PARD3: variants seen among roughly 807,000 people sequenced by gnomAD.
PARD3 encodes partitioning defective 3 homolog.
Under a neutral mutation model 155.4 loss-of-function variants are expected in PARD3, and 75 were observed. The observed-to-expected ratio is 0.48, with a 90% CI of 0.40 to 0.58. The LOEUF (loss-of-function observed/expected upper bound fraction) is 0.58, where lower values mean the gene tolerates loss of function less well. Among genes scored for constraint, PARD3 ranks in the 20% least tolerant of loss-of-function variants. The probability of loss-of-function intolerance (pLI) is 0.00; values close to 1 mark genes in which losing one functional copy is unlikely to be tolerated. For missense variants in PARD3, 1,642 were observed against 1,721.7 expected, an observed-to-expected ratio of 0.95 and a Z score of 0.82; for synonymous variants, 576 against 610.5, an observed-to-expected ratio of 0.94 and a Z score of 0.83.
intron 2 of PARD3, among the ~76,000 whole-genome samples, chr10:34,694,146 A>G (rs1428361492): frequency 6.9e-6 from 1 of 144,210 alleles, no homozygotes; most frequent in Non-Finnish European, 1.6e-5. Context: ...TGAGAAAGAG[A>G]GGGAGAAGAA....
At position 34,284,204 on chromosome 10, in the gene PARD3, C is replaced by A; in HGVS notation, c.3107G>T (p.Gly1036Val). The part of the protein sequence containing the change: ...HRKDDKIEKT[G>V]KIKIQESFTS... ...AAAGGATTCCTGTATTTTTATTTTACCCGTTTTCTCAATCTTGTCATCTTT... is the reference window on the plus strand; with the variant it reads ...AAAGGATTCCTGTATTTTTATTTTAACCGTTTTCTCAATCTTGTCATCTTT... The change falls in exon 21 of 25, where the codon GGT becomes GTT. Residue 1036 changes from glycine (G) to valine (V), a missense_variant. Transcript: ENST00000374788. 6.2e-7 allele frequency: 1 copy of A among 1,610,036 alleles called. No individual in the cohort carries two copies. Among genetic ancestry groups the A allele is most frequent in the Non-Finnish European group, 8.5e-7 (1 of 1,178,218 alleles).
At chr10:34,216,133 C>T (rs1439237932) in intron 22 of PARD3, among the ~76,000 whole-genome samples, 1 of 152,154 alleles carries the variant, frequency 6.6e-6, no homozygotes, top group Non-Finnish European at 1.5e-5. Context: ...CATTTGGGCA[C>T]AGCTGATGGT....
chr10:34,601,100 T>C (rs944019048), intron 2 of PARD3, among the ~76,000 whole-genome samples: 40 of 150,836 alleles, frequency 2.7e-4, no homozygotes, highest in African/African-American at 9.7e-4. Flanking sequence ...CGTGAGCCAT[T>C]GTGCCAAGCC....
At chr10:34,240,240 G>A (rs541922309) in intron 22 of PARD3, among the ~76,000 whole-genome samples, 1 of 152,338 alleles carries the variant, frequency 6.6e-6, no homozygotes, top group African/African-American at 2.4e-5. Context: ...CTGGAAAGAT[G>A]TTCGTGACTT....
intron 3 of PARD3, among the ~76,000 whole-genome samples, chr10:34,512,256 T>C (rs551000112): frequency 7.2e-5 from 11 of 152,370 alleles, no homozygotes; most frequent in African/African-American, 2.6e-4. Context: ...ATAGATGACT[T>C]ATTCCTGCTT....
intron 4 of PARD3, among the ~76,000 whole-genome samples, chr10:34,462,651 C>T (rs1202790059): frequency 6.6e-6 from 1 of 151,310 alleles, no homozygotes; most frequent in African/African-American, 2.4e-5. Context: ...TCAAGATCAG[C>T]CTGGGCAACA....
intron 14 of PARD3, among the ~76,000 whole-genome samples, chr10:34,357,382 C>A (rs1838997674): frequency 6.6e-6 from 1 of 152,182 alleles, no homozygotes; most frequent in Non-Finnish European, 1.5e-5. Flanking sequence ...TCCTCAGGAT[C>A]TAACACATTT....
Position 34,395,663 on chromosome 10 carries a change from C to T in PARD3, c.890+3667G>A, listed in dbSNP as rs1349333244. The stretch of plus-strand genomic sequence containing the variant: ...CCATCCTGGCTAACAAGGTGAAACC[C>T]CGTCTCTACTAAAAATACAAAAAAT... On this transcript the variant is annotated intron_variant, in intron 7 of 24. Transcript: ENST00000374788. Among the ~76,000 whole-genome samples the T allele has an allele frequency of 2.6e-5, 2 of 77,324 alleles. 1 individual carries two copies. The highest frequency in any genetic ancestry group is 2.3e-4 in the Admixed American group (2 of 8,654). The allele number at this position is 77,324 out of a possible 152,430, so 50.7% of individuals were successfully genotyped here.
At chr10:34,318,346 C>T (rs990504222) in intron 19 of PARD3, among the ~76,000 whole-genome samples, 2 of 152,134 alleles carry the variant, frequency 1.3e-5, no homozygotes, top group Non-Finnish European at 2.9e-5. Flanking sequence ...TTATAGGGGG[C>T]CATAAGGTTA....
chr10:34,541,132 AG>A (rs1014851525), intron 2 of PARD3, among the ~76,000 whole-genome samples: 3 of 152,222 alleles, frequency 2.0e-5, no homozygotes, highest in African/African-American at 7.2e-5. Context: ...TAGAAGACAA[AG>A]CCACGTTTCT....
intron 1 of PARD3, among the ~76,000 whole-genome samples, chr10:34,787,523 C>T (rs1013001140): frequency 1.3e-5 from 2 of 152,194 alleles, no homozygotes; most frequent in South Asian, 4.1e-4. Flanking sequence ...GGCAGATGCT[C>T]TTTACAGCTG....
chr10:34,445,997 C>T (rs1046535182), intron 5 of PARD3, among the ~76,000 whole-genome samples: 1 of 152,062 alleles, frequency 6.6e-6, no homozygotes, highest in African/African-American at 2.4e-5. Flanking sequence ...GCTTTTACTC[C>T]CTTTGATTTT....
rs1260935728 is a variant in PARD3, at chr10:34,439,417, C to T, written c.714+10900G>A. Among the ~76,000 whole-genome samples the T allele has an allele frequency of 2.0e-5, 3 of 151,672 alleles. No individual in the cohort carries two copies. In the East Asian group the frequency reaches 5.8e-4, roughly 29 times the overall value. On this transcript the variant is annotated intron_variant, in intron 5 of 24. Transcript: ENST00000374788. ...CAGAAAAAAAAAAAAGCTCAGTCTT[C>T]CAACCTTGTGAAGTTATGTATTAAA... is the stretch of plus-strand genomic sequence containing the variant.
At chr10:34,636,900 G>A (rs2092497852) in intron 2 of PARD3, among the ~76,000 whole-genome samples, 1 of 152,196 alleles carries the variant, frequency 6.6e-6, no homozygotes, top group South Asian at 2.1e-4. Flanking sequence ...GTTCCTCCTA[G>A]CATCAAAACC....
intron 2 of PARD3, among the ~76,000 whole-genome samples, chr10:34,560,264 C>T (rs1347802741): frequency 6.6e-6 from 1 of 151,880 alleles, no homozygotes; most frequent in African/African-American, 2.4e-5. Context: ...AATTTTTTTT[C>T]AATAGGTTCT....
At chr10:34,628,199 A>C (rs1205377679) in intron 2 of PARD3, among the ~76,000 whole-genome samples, 2 of 152,236 alleles carry the variant, frequency 1.3e-5, no homozygotes, top group Non-Finnish European at 2.9e-5. Flanking sequence ...GAGCTTAGAC[A>C]AGATTTTCAT....
chr10:34,293,895 T>C (rs1456954494), intron 20 of PARD3, among the ~76,000 whole-genome samples: 2 of 152,190 alleles, frequency 1.3e-5, no homozygotes, highest in African/African-American at 4.8e-5. Context: ...AATCATACCC[T>C]ACATCTGGTT....
At chr10:34,265,652 T>G (rs1588989219) in intron 22 of PARD3, among the ~76,000 whole-genome samples, 1 of 152,244 alleles carries the variant, frequency 6.6e-6, no homozygotes, top group East Asian at 1.9e-4. Context: ...AGTTCCAAGT[T>G]GCATGTTTCC....
chr10:34,425,155 A>G (rs1037210976), intron 5 of PARD3, among the ~76,000 whole-genome samples: 1 of 151,894 alleles, frequency 6.6e-6, no homozygotes, highest in African/African-American at 2.4e-5. Flanking sequence ...TGCATTTAGA[A>G]TATTTTTGCT....
Sources: allele counts gnomAD v4.1 joint callset (sites outside exome capture counted in the v4.1 genomes callset), GRCh38; gene constraint gnomAD v4.1.1; transcripts MANE v1.5; gene names NCBI Gene and HGNC (gene_info 2026-07-23, HGNC 2026-07-21).